Variants in PREX1 observed in about 807,000 individuals in gnomAD.
The protein encoded by PREX1 is phosphatidylinositol-3,4,5-trisphosphate dependent Rac exchange factor 1.
Under a neutral mutation model 198.3 loss-of-function variants are expected in PREX1, and 41 were observed. The observed-to-expected ratio is 0.21, with a 90% CI of 0.16 to 0.27. PREX1 has a LOEUF of 0.27. Among genes scored for constraint, PREX1 ranks in the 10% least tolerant of loss-of-function variants. The probability of loss-of-function intolerance (pLI) is 1.00; values close to 1 mark genes in which losing one functional copy is unlikely to be tolerated. For missense variants in PREX1, 1,620 were observed against 2,200.7 expected (o/e 0.74, Z 5.28); for synonymous variants, 843 against 887.2 (o/e 0.95, Z 0.89).
intron 1 of PREX1, among the ~76,000 whole-genome samples, chr20:48,790,509 A>T (rs1292123657): frequency 1.3e-5 from 2 of 152,186 alleles, no homozygotes; most frequent in Non-Finnish European, 2.9e-5. Context: ...GAGTGCGGAA[A>T]AAAAAAAGAT....
At chr20:48,816,261 T>C (rs1233106743) in intron 1 of PREX1, among the ~76,000 whole-genome samples, 5 of 152,232 alleles carry the variant, frequency 3.3e-5, no homozygotes, top group African/African-American at 1.2e-4. Flanking sequence ...AAATATGGGC[T>C]CTGGAGTAGA....
At chr20:48,743,064 G>A (rs192562203) in intron 3 of PREX1, among the ~76,000 whole-genome samples, 264 of 152,246 alleles carry the variant, frequency 1.7e-3, no homozygotes, top group Admixed American at 3.0e-3. Flanking sequence ...CAGCTGACAC[G>A]CGGCATTAGC....
At chr20:48,710,925 A>C (rs1483696685) in intron 5 of PREX1, among the ~76,000 whole-genome samples, 1 of 152,248 alleles carries the variant, frequency 6.6e-6, no homozygotes, top group African/African-American at 2.4e-5. Flanking sequence ...GATTCAGACA[A>C]GCATGCCAAG....
chr20:48,816,003 C>CT (rs898924044), intron 1 of PREX1, among the ~76,000 whole-genome samples: 3 of 136,736 alleles, frequency 2.2e-5, no homozygotes, highest in Non-Finnish European at 3.1e-5. Context: ...GAGTGAGACT[C>CT]TGTCTCAAAA....
chr20:48,699,686 A>G (rs1198953671), intron 7 of PREX1, among the ~76,000 whole-genome samples: 1 of 152,128 alleles, frequency 6.6e-6, no homozygotes, highest in Non-Finnish European at 1.5e-5. Flanking sequence ...AACCTCCGTC[A>G]CCAACCCACC....
the PREX1 span, among the ~76,000 whole-genome samples, chr20:48,853,848 G>A: frequency 6.6e-6 from 1 of 152,152 alleles, no homozygotes; most frequent in African/African-American, 2.4e-5. Context: ...AATAGTCCTG[G>A]CTGCCCTGCA....
intron 16 of PREX1, among the ~76,000 whole-genome samples, chr20:48,659,234 A>AAGGG (rs2089570356): frequency 9.1e-6 from 1 of 110,320 alleles, no homozygotes; most frequent in Non-Finnish European, 1.9e-5. Context: ...AGAGAAAGAA[A>AAGGG]AGGAAGGAAG....
chr20:48,824,563 T>C (rs990568776), intron 1 of PREX1, among the ~76,000 whole-genome samples: 3 of 152,252 alleles, frequency 2.0e-5, no homozygotes, highest in African/African-American at 4.8e-5. Flanking sequence ...AATATTTATA[T>C]ACCTTACTGC....
intron 25 of PREX1, among the ~76,000 whole-genome samples, chr20:48,646,724 A>G (rs2089454275): frequency 6.6e-6 from 1 of 152,112 alleles, no homozygotes; most frequent in Admixed American, 6.5e-5. Flanking sequence ...CAATAGGCTG[A>G]AGTCTGGACT....
chr20:48,868,824 C>T, the PREX1 span, among the ~76,000 whole-genome samples: 8 of 152,104 alleles, frequency 5.3e-5, no homozygotes, highest in Non-Finnish European at 8.8e-5. Context: ...ATAACAAACA[C>T]ATTGTTTTAC....
chr20:48,880,039 A>G, the PREX1 span, among the ~76,000 whole-genome samples: 1 of 152,336 alleles, frequency 6.6e-6, no homozygotes, highest in African/African-American at 2.4e-5. Context: ...TCTGGTAATA[A>G]GCCATGGATT....
intron 14 of PREX1, among the ~76,000 whole-genome samples, chr20:48,671,985 T>C (rs2089678324): frequency 6.6e-6 from 1 of 152,156 alleles, no homozygotes; most frequent in Admixed American, 6.5e-5. Context: ...TGCCTGGGGT[T>C]GGGGGGCTCA....
intron 1 of PREX1, among the ~76,000 whole-genome samples, chr20:48,820,076 G>A (rs571824938): frequency 1.3e-5 from 2 of 152,220 alleles, no homozygotes; most frequent in East Asian, 1.9e-4. Context: ...TCAAGGGATC[G>A]TCTGTCAGTT....
chr20:48,735,004 A>C (rs993272140), intron 3 of PREX1, among the ~76,000 whole-genome samples: 1 of 151,932 alleles, frequency 6.6e-6, no homozygotes, highest in African/African-American at 2.4e-5. Context: ...CTTATCTGTA[A>C]GGTAGAGTTA....
intron 3 of PREX1, among the ~76,000 whole-genome samples, chr20:48,743,135 C>T (rs542445004): frequency 6.6e-6 from 1 of 152,260 alleles, no homozygotes; most frequent in Admixed American, 6.5e-5. Context: ...ATTGTCGTTA[C>T]CCCCACTTTA....
chr20:48,675,671 G>T (rs906319667), intron 14 of PREX1, among the ~76,000 whole-genome samples: 4 of 152,192 alleles, frequency 2.6e-5, no homozygotes, highest in Admixed American at 2.0e-4. Flanking sequence ...AGATTAGAAG[G>T]TCTGTGGTTG....
At chr20:48,669,585 G>A (rs1311638986) in intron 14 of PREX1, among the ~76,000 whole-genome samples, 1 of 152,096 alleles carries the variant, frequency 6.6e-6, no homozygotes, top group South Asian at 2.1e-4. Context: ...GATGGGAGAG[G>A]GGAGGAGGGA....
intron 1 of PREX1, among the ~76,000 whole-genome samples, chr20:48,778,712 G>A (rs192646574): frequency 1.3e-5 from 2 of 152,312 alleles, no homozygotes; most frequent in Non-Finnish European, 2.9e-5. Flanking sequence ...ACACAAATAT[G>A]GCCGTTTGAC....
chr20:48,819,669 A>G (rs2090475198), intron 1 of PREX1, among the ~76,000 whole-genome samples: 2 of 152,194 alleles, frequency 1.3e-5, no homozygotes, highest in African/African-American at 4.8e-5. Flanking sequence ...AGTACCTGGA[A>G]CAGAGCAAGG....
Sources: gnomAD v4.1 joint callset for allele counts (sites outside exome capture counted in the v4.1 genomes callset) on GRCh38, gnomAD v4.1.1 for gene constraint, MANE v1.5 for transcripts, NCBI Gene and HGNC (gene_info 2026-07-23, HGNC 2026-07-21) for gene names.